Variants in STK38 observed in about 807,000 individuals in gnomAD.
The protein encoded by STK38 is serine/threonine-protein kinase 38.
STK38 carries 26 observed loss-of-function variants against 59.0 expected under a neutral mutation model. The observed-to-expected ratio is 0.44, with a 90% CI of 0.32 to 0.61. The LOEUF (loss-of-function observed/expected upper bound fraction) is 0.61, where lower values mean the gene tolerates loss of function less well. STK38 is among the 20% of genes least tolerant of loss of function. STK38 has a pLI of 0.04. For missense variants in STK38, 433 were observed against 566.0 expected (o/e 0.76, Z 2.38); for synonymous variants, 175 against 176.6 (o/e 0.99, Z 0.07).
chr6:36,507,762 T>A (rs1181285717), intron 7 of STK38, among the ~76,000 whole-genome samples, 160 bp from the exon 8 acceptor site: 1 of 152,220 alleles, frequency 6.6e-6, no homozygotes, highest in East Asian at 1.9e-4. Flanking sequence ...ATAAATTTTT[T>A]AATCCCAAAT....
chr6:36,505,671 C>T (rs1776946971), intron 9 of STK38, among the ~76,000 whole-genome samples: 1 of 152,166 alleles, frequency 6.6e-6, no homozygotes, highest in African/African-American at 2.4e-5. Flanking sequence ...AACGGAAGTG[C>T]TACCATTTCC....
intron 7 of STK38, among the ~76,000 whole-genome samples, chr6:36,508,085 C>T (rs977318284): frequency 6.6e-6 from 1 of 151,928 alleles, no homozygotes; most frequent in Admixed American, 6.6e-5. Context: ...AGTTGTGTGC[C>T]ACCACGTCCG....
At chr6:36,504,818 A>G (rs1334777531) in intron 9 of STK38, among the ~76,000 whole-genome samples, 1 of 151,474 alleles carries the variant, frequency 6.6e-6, no homozygotes, top group East Asian at 1.9e-4. Context: ...GTCTTGGAAT[A>G]TAAGGAACAA....
At chr6:36,508,062 T>C (rs190240584) in intron 7 of STK38, among the ~76,000 whole-genome samples, 1 of 151,528 alleles carries the variant, frequency 6.6e-6, no homozygotes, top group East Asian at 2.0e-4. Flanking sequence ...GCTTCCTGAG[T>C]AGCTGGGACC....
At chr6:36,515,224 T>C (rs1582427558) in intron 7 of STK38, 114 bp downstream of exon 7, 2 of 1,254,900 alleles carry the variant, frequency 1.6e-6, no homozygotes, top group Non-Finnish European at 1.1e-6. Flanking sequence ...AGGAAAATCA[T>C]GACAAGGCAG....
At chr6:36,546,899 G>A (rs954138496) in intron 1 of STK38, among the ~76,000 whole-genome samples, 6 of 152,148 alleles carry the variant, frequency 3.9e-5, no homozygotes, top group African/African-American at 1.4e-4. Context: ...GTGGCAACAT[G>A]GAAAGGAAAG....
chr6:36,497,057 G>C (rs595954), intron 12 of STK38, among the ~76,000 whole-genome samples: 66,691 of 151,970 alleles, frequency 0.44, 16,488 homozygotes, highest in African/African-American at 0.65. Flanking sequence ...TAACTAAAAC[G>C]TGAAGTTAGT....
Position 36,513,972 on chromosome 6 carries a change from C to G in STK38, c.669+1366G>C, listed in dbSNP as rs532815125. ...AGATCGAGACCATCATGGCTAACAC[C>G]GTGAAACCCCGTCTCTACTAAAAAT... is the stretch of plus-strand genomic sequence containing the variant. On this transcript the variant is annotated intron_variant, in intron 7 of 13. Transcript: ENST00000229812. Among the ~76,000 whole-genome samples, 75 of 150,814 alleles carry G rather than the reference C, an allele frequency of 5.0e-4. 1 individual carries two copies. The East Asian group carries it at 0.01, about 20-fold the overall frequency.
intron 11 of STK38, 137 bp from the exon 12 acceptor site, chr6:36,498,012 T>C (rs943179136): frequency 3.1e-6 from 2 of 636,466 alleles, no homozygotes; most frequent in Non-Finnish European, 5.3e-6. Context: ...CAATCATGGC[T>C]CACTGCAGCC....
rs754683086 is a variant in STK38 at position 36,517,767 on chromosome 6, C to T, written c.464G>A (p.Ser155Asn). The T allele has an allele frequency of 2.5e-6, 4 of 1,614,144 alleles. No individual in the cohort carries two copies. Among genetic ancestry groups the T allele is most frequent in the Non-Finnish European group, 2.5e-6 (3 of 1,179,994 alleles). ...GTAGAGGTTTAGCTTATCCTGAAAA[C>T]TATAGAACATTTTCACAACCCACAA... is the stretch of plus-strand genomic sequence containing the variant. Reference protein sequence around the residue: ...DSLWVVKMFYSFQDKLNLYLI... With the variant: ...DSLWVVKMFYNFQDKLNLYLI... The change falls in exon 6 of 14, where the codon AGT becomes AAT. Residue 155 changes from serine to asparagine, a missense_variant. Ser to Asn is a conservative substitution (Grantham distance 46, BLOSUM62 1). Coordinates refer to ENST00000229812, the MANE Select transcript of STK38 (RefSeq NM_007271.4).
At chr6:36,522,817 T>C (rs574961658) in intron 4 of STK38, among the ~76,000 whole-genome samples, 16 of 122,262 alleles carry the variant, frequency 1.3e-4, no homozygotes, top group Non-Finnish European at 2.4e-4. Context: ...GATCAAGCCA[T>C]TGCACTCCAG....
chr6:36,509,800 T>C (rs1472310486), intron 7 of STK38, among the ~76,000 whole-genome samples: 1 of 152,158 alleles, frequency 6.6e-6, no homozygotes, highest in African/African-American at 2.4e-5. Context: ...GTCCATTTTT[T>C]TCATCTATCG....
intron 1 of STK38, among the ~76,000 whole-genome samples, chr6:36,541,056 A>C (rs1303050952): frequency 6.6e-6 from 1 of 151,498 alleles, no homozygotes; most frequent in Admixed American, 6.6e-5. Flanking sequence ...CCACCAATAC[A>C]CCGGGCTAAT....
At chr6:36,536,347 T>C (rs962456906) in intron 2 of STK38, among the ~76,000 whole-genome samples, 3 of 152,074 alleles carry the variant, frequency 2.0e-5, no homozygotes, top group African/African-American at 4.8e-5. Context: ...AAATGGAACA[T>C]AGGAGAAAAT....
intron 2 of STK38, among the ~76,000 whole-genome samples, chr6:36,536,682 C>T (rs35963017): frequency 0.24 from 36,760 of 151,616 alleles, 5,309 homozygotes; most frequent in Non-Finnish European, 0.33. Context: ...TATAGGCATG[C>T]GCCACCACCA....
intron 7 of STK38, among the ~76,000 whole-genome samples, chr6:36,514,935 T>C (rs552414404): frequency 6.6e-6 from 1 of 152,068 alleles, no homozygotes; most frequent in South Asian, 2.1e-4. Context: ...TTACAGGTTC[T>C]TGTTGTTACT....
At chr6:36,524,499 G>T in intron 3 of STK38, 36 bp from the exon 4 acceptor site, 1 of 1,568,614 alleles carries the variant, frequency 6.4e-7, no homozygotes, top group Non-Finnish European at 8.6e-7. Context: ...AGACGGGAAG[G>T]AACTGAAATT....
intron 2 of STK38, among the ~76,000 whole-genome samples, chr6:36,537,141 G>A (rs116159382): frequency 0.018 from 2,799 of 152,134 alleles, 54 homozygotes; most frequent in Middle Eastern, 0.041. Flanking sequence ...AAAGGAAGAT[G>A]CACAAATGGC....
intron 7 of STK38, among the ~76,000 whole-genome samples, chr6:36,510,692 C>A (rs1303739365): frequency 6.6e-6 from 1 of 152,228 alleles, no homozygotes; most frequent in South Asian, 2.1e-4. Flanking sequence ...AAAACACACA[C>A]CTTCTATGAG....
Sources: gnomAD v4.1 joint callset for allele counts (sites outside exome capture counted in the v4.1 genomes callset) on GRCh38, gnomAD v4.1.1 for gene constraint, MANE v1.5 for transcripts, NCBI Gene and HGNC (gene_info 2026-07-23, HGNC 2026-07-21) for gene names.